The following ZC3H4 variants were observed in gnomAD, a reference collection of about 807,000 sequenced individuals.
ZC3H4 encodes zinc finger CCCH domain-containing protein 4.
In ZC3H4, 13 loss-of-function variants were observed where a neutral mutation model predicts 108.3. That is an observed-to-expected ratio of 0.12 (90% CI 0.08 to 0.19). ZC3H4 has a LOEUF of 0.19. Ranked by LOEUF, ZC3H4 falls within the 10% of genes least tolerant of loss-of-function variation. ZC3H4 has a pLI of 1.00. For synonymous variants in ZC3H4, 917 were observed against 749.6 expected (o/e 1.22, Z -3.65); for missense variants, 1,734 against 1,838.8 (o/e 0.94, Z 1.04).
At position 47,081,509 on chromosome 19, in the gene ZC3H4, T is replaced by C. The variant is rs1175918990; in HGVS notation, c.1440+4A>G. The C allele has an allele frequency of 1.9e-6, 3 of 1,613,868 alleles. No homozygotes were observed. Among genetic ancestry groups the C allele is most frequent in the Admixed American group, 1.7e-5 (1 of 60,002 alleles). On this transcript the variant is annotated splice_donor_region_variant and intron_variant, in intron 11 of 14. Transcript: ENST00000253048. ...CCGGGGGCCCCGTTACCCCCGGACA[T>C]TACCTTATCCAAGAGCTCCCTCGTC... is the stretch of plus-strand genomic sequence containing the variant.
chr19:47,066,856 C>G lies in ZC3H4; in HGVS notation c.3412G>C (p.Gly1138Arg). The change falls in exon 15 of 15, where the codon GGG becomes CGG. Residue 1138 changes from glycine (G) to arginine (R), a missense_variant. By Grantham distance (125) the Gly-to-Arg change is moderately radical (BLOSUM62 -2). Around this residue, in one of 9 missense-constraint regions of ZC3H4, gnomAD observed 518 missense variants for 499.6 expected, o/e 1.04. Coordinates refer to ENST00000253048, the MANE Select transcript of ZC3H4 (RefSeq NM_015168.2). The stretch of plus-strand genomic sequence containing the variant: ...ATACCGCTCAGCACACTGCTCTGCC[C>G]GCCCCCTCCGCCCTGGCCCAGTCCA... The part of the protein sequence containing the change: ...AGGLGQGGGG[G>R]QSSVLSGISL... 1 of 1,598,544 alleles carries G rather than the reference C, an allele frequency of 6.3e-7. No homozygotes were observed. Among genetic ancestry groups the G allele is most frequent in the Non-Finnish European group, 8.5e-7 (1 of 1,179,134 alleles).
In ZC3H4 at chr19:47,072,930, T is replaced by A. The variant is rs974228402; in HGVS notation, c.1441-217A>T. 1.3e-5 allele frequency among the ~76,000 whole-genome samples: 2 copies of A among 152,182 alleles called. No individual in the cohort carries two copies. Among genetic ancestry groups the A allele is most frequent in the African/African-American group, 2.4e-5 (1 of 41,448 alleles). On this transcript the variant is annotated intron_variant, in intron 11 of 14. Transcript: ENST00000253048. The surrounding 1 kb of genome is among the most constrained non-coding windows in gnomAD (Gnocchi z 5.6). ...CAGCTGGTAGAGGGGGGGCCATTCCTGCTCTATGGCAAAATACACATAACA... is the reference window on the plus strand; with the variant it reads ...CAGCTGGTAGAGGGGGGGCCATTCCAGCTCTATGGCAAAATACACATAACA...
At chr19:47,084,141 T>C (rs1284659935) in intron 9 of ZC3H4, among the ~76,000 whole-genome samples, 1 of 152,210 alleles carries the variant, frequency 6.6e-6, no homozygotes, top group African/African-American at 2.4e-5. Flanking sequence ...GTCCTCATCT[T>C]ACTGGGGGTC....
chr19:47,084,727 A>G (rs2057585447), intron 8 of ZC3H4, among the ~76,000 whole-genome samples: 2 of 152,168 alleles, frequency 1.3e-5, no homozygotes, highest in Non-Finnish European at 2.9e-5. Flanking sequence ...GAACACGTCC[A>G]CCACACCCAG....
intron 11 of ZC3H4, among the ~76,000 whole-genome samples, chr19:47,077,127 T>G (rs939413213): frequency 2.0e-5 from 3 of 151,738 alleles, no homozygotes; most frequent in African/African-American, 7.3e-5. Flanking sequence ...ACTACTGCAC[T>G]CCAGCCTGGA....
intron 2 of ZC3H4, among the ~76,000 whole-genome samples, chr19:47,100,043 G>C (rs1299905232): frequency 6.6e-6 from 1 of 152,078 alleles, no homozygotes; most frequent in Non-Finnish European, 1.5e-5. Context: ...AAATTACAAG[G>C]AGGCGCCGCC....
rs2057246998 is a variant in ZC3H4 at position 47,067,874 on chromosome 19, G to C, written c.2399-5C>G. 6.3e-7 allele frequency: 1 copy of C among 1,581,592 alleles called. No individual in the cohort carries two copies. Among genetic ancestry groups the C allele is most frequent in the Non-Finnish European group, 8.6e-7 (1 of 1,166,630 alleles). ...AGTACCAGTTTCCGGTGTCACCTGG[G>C]AAAGAACAGAGGAGCAGGGAGGGGT... On this transcript the variant is annotated splice_region_variant and splice_polypyrimidine_tract_variant and intron_variant, in intron 14 of 14. Transcript: ENST00000253048. The surrounding 1 kb of genome is among the most constrained non-coding windows in gnomAD (Gnocchi z 6.4).
chr19:47,075,609 C>T (rs897051408), intron 11 of ZC3H4, among the ~76,000 whole-genome samples: 23 of 151,952 alleles, frequency 1.5e-4, no homozygotes, highest in African/African-American at 3.6e-4. Flanking sequence ...CGTGTGTGTG[C>T]GCACACACAC....
chr19:47,068,357 T>C (rs540494203), intron 14 of ZC3H4, among the ~76,000 whole-genome samples: 6 of 152,344 alleles, frequency 3.9e-5, no homozygotes, highest in Admixed American at 6.5e-5. Flanking sequence ...GACTCAGTTC[T>C]GGCTGGGCCT....
chr19:47,099,769 C>T (rs1167709076), intron 2 of ZC3H4, among the ~76,000 whole-genome samples: 2 of 132,872 alleles, frequency 1.5e-5, no homozygotes, highest in Admixed American at 8.8e-5. Flanking sequence ...GAGGGTTGGA[C>T]GAAAGCTGAA....
intron 1 of ZC3H4, among the ~76,000 whole-genome samples, chr19:47,113,076 G>T (rs1314007172): frequency 6.6e-6 from 1 of 152,258 alleles, no homozygotes; most frequent in Non-Finnish European, 1.5e-5. Flanking sequence ...TGGGTGCCCC[G>T]GCTGCCCGGC....
intron 2 of ZC3H4, among the ~76,000 whole-genome samples, chr19:47,105,244 CTGCTGT>C (rs2057953538): frequency 6.6e-6 from 1 of 152,206 alleles, no homozygotes; most frequent in Non-Finnish European, 1.5e-5. Flanking sequence ...CTCAACTCTG[CTGCTGT>C]AACGTAGAAG....
In ZC3H4 at chr19:47,066,946, T is replaced by C; in HGVS notation, c.3322A>G (p.Ser1108Gly). 6.3e-7 allele frequency: 1 copy of C among 1,594,888 alleles called. No individual in the cohort carries two copies. The highest frequency in any genetic ancestry group is 8.5e-7 in the Non-Finnish European group (1 of 1,172,142). ...GGTGGGGAGGCATCCCCACTCGGGC[T>C]GGCGGTGGGAGAGGGCGCCTCAGCA... ...GPAEAPSPTA[S>G]PSGDASPPAT... The change falls in exon 15 of 15, where the codon AGC becomes GGC. Residue 1108 changes from serine (S) to glycine (G), a missense_variant. Around this residue, in one of 9 missense-constraint regions of ZC3H4, gnomAD observed 518 missense variants for 499.6 expected, o/e 1.04. Coordinates refer to ENST00000253048, the MANE Select transcript of ZC3H4 (RefSeq NM_015168.2).
rs746461312 is a variant in ZC3H4, at chr19:47,067,896, G to A, written c.2399-27C>T. On this transcript the variant is annotated intron_variant, in intron 14 of 14. Transcript: ENST00000253048. This position sits in a 1 kb window ranked among gnomAD's most constrained non-coding sequence, Gnocchi z 6.4. Reference sequence around the variant, plus strand: ...TGGGAAAGAACAGAGGAGCAGGGAGGGGTGAGTGGGCGCATCCACCACCCG... The same window carrying A: ...TGGGAAAGAACAGAGGAGCAGGGAGAGGTGAGTGGGCGCATCCACCACCCG... 3.7e-5 allele frequency: 58 copies of A among 1,556,192 alleles called. 2 individuals are homozygous for A. The South Asian group carries it at 6.1e-4, about 16-fold the overall frequency.
Position 47,066,599 on chromosome 19 carries a change from G to T in ZC3H4, c.3669C>A (p.Pro1223=), listed in dbSNP as rs759313698. The change falls in exon 15 of 15, where the codon CCC becomes CCA. Residue 1223 remains proline (P), a synonymous_variant. Coordinates refer to ENST00000253048, the MANE Select transcript of ZC3H4 (RefSeq NM_015168.2). ...TGGCAGCGGGGGCTGCAGCAGCCTT[G>T]GGCCGGGGCCGGTTGTAGCTGTTGT... ...DRYNSYNRPR[P]KAAAAPAATT... 12 of 1,603,744 alleles carry T rather than the reference G, an allele frequency of 7.5e-6. No homozygotes were observed. The highest frequency in any genetic ancestry group is 9.4e-6 in the Non-Finnish European group (11 of 1,174,982).
chr19:47,101,681 A>T (rs1015206338), intron 2 of ZC3H4, among the ~76,000 whole-genome samples: 3 of 151,758 alleles, frequency 2.0e-5, no homozygotes, highest in Admixed American at 2.0e-4. Flanking sequence ...GACCAGCCTG[A>T]CCAACGTGGA....
chr19:47,112,293 A>G, intron 2 of ZC3H4, 131 bp downstream of exon 2: 1 of 1,115,300 alleles, frequency 9.0e-7, no homozygotes. Flanking sequence ...ACACCCACCG[A>G]CCCCGCCCTT....
chr19:47,093,149 G>A (rs970441986), intron 4 of ZC3H4, among the ~76,000 whole-genome samples: 2 of 144,896 alleles, frequency 1.4e-5, no homozygotes, highest in African/African-American at 5.2e-5. Flanking sequence ...CCAGGAGACA[G>A]AGCTTGCAGT....
At chr19:47,101,329 G>GTC (rs921673755) in intron 2 of ZC3H4, among the ~76,000 whole-genome samples, 1 of 151,950 alleles carries the variant, frequency 6.6e-6, no homozygotes, top group African/African-American at 2.4e-5. Flanking sequence ...GTGAGACCCT[G>GTC]TCAGACTGCT....
Sources: gnomAD v4.1 joint callset for allele counts (sites outside exome capture counted in the v4.1 genomes callset) on GRCh38, gnomAD v4.1.1 for gene constraint, gnomAD v4.1.1 regional missense constraint, Gnocchi (gnomAD v3.1) non-coding constraint, MANE v1.5 for transcripts, NCBI Gene and HGNC (gene_info 2026-07-23, HGNC 2026-07-21) for gene names.